The following PRCP variants were observed in gnomAD, a reference collection of about 807,000 sequenced individuals.
PRCP encodes the protein lysosomal Pro-X carboxypeptidase.
In PRCP, 46 loss-of-function variants were observed where a neutral mutation model predicts 54.2. That is an observed-to-expected ratio of 0.85 (90% CI 0.67 to 1.09). The LOEUF (loss-of-function observed/expected upper bound fraction) is 1.09, where lower values mean the gene tolerates loss of function less well. Among genes scored for constraint, PRCP ranks in the 50% least tolerant of loss-of-function variants. The pLI is 0.00. For missense variants in PRCP, 613 were observed against 596.8 expected, an observed-to-expected ratio of 1.03 and a Z score of -0.28; for synonymous variants, 240 against 212.2, an observed-to-expected ratio of 1.13 and a Z score of -1.14.
intron 1 of PRCP, among the ~76,000 whole-genome samples, chr11:82,864,789 TGGA>T (rs1484975532): frequency 1.3e-5 from 2 of 152,264 alleles, no homozygotes; most frequent in Admixed American, 1.3e-4. Context: ...CTTTACCATG[TGGA>T]GGAGAAATAG....
chr11:82,856,407 T>A (rs1051659227), intron 2 of PRCP, among the ~76,000 whole-genome samples: 4 of 152,194 alleles, frequency 2.6e-5, no homozygotes, highest in African/African-American at 7.2e-5. Context: ...CTAAGTGACC[T>A]AATAGAGCAA....
intron 1 of PRCP, among the ~76,000 whole-genome samples, chr11:82,877,065 A>G (rs1394393845): frequency 1.3e-5 from 2 of 152,254 alleles, no homozygotes; most frequent in Non-Finnish European, 2.9e-5. Flanking sequence ...GAACTGAAAC[A>G]AAGGTGACTC....
chr11:82,892,070 C>T (rs907875881), intron 1 of PRCP, among the ~76,000 whole-genome samples: 2 of 152,138 alleles, frequency 1.3e-5, no homozygotes, highest in African/African-American at 4.8e-5. Context: ...ATGTACCTCA[C>T]AGGATTGTTG....
intron 1 of PRCP, among the ~76,000 whole-genome samples, chr11:82,887,821 T>C (rs1431189795): frequency 6.6e-6 from 1 of 152,170 alleles, no homozygotes; most frequent in African/African-American, 2.4e-5. Context: ...AAGACCGTCA[T>C]TCCAAAAGGG....
At chr11:82,866,214 AT>A (rs1859331481) in intron 1 of PRCP, among the ~76,000 whole-genome samples, 1 of 152,258 alleles carries the variant, frequency 6.6e-6, no homozygotes, top group African/African-American at 2.4e-5. Context: ...AGGAAACGGT[AT>A]CCCCCAGTGA....
At chr11:82,870,601 TTAAAAGAGATAG>T (rs1386917360) in intron 1 of PRCP, among the ~76,000 whole-genome samples, 5 of 152,282 alleles carry the variant, frequency 3.3e-5, no homozygotes, top group Non-Finnish European at 7.4e-5. Flanking sequence ...AAGTAATCTA[TTAAAAGAGATAG>T]TAAAAGAGAG....
intron 6 of PRCP, among the ~76,000 whole-genome samples, chr11:82,848,277 G>C (rs909739333): frequency 2.6e-5 from 4 of 152,290 alleles, no homozygotes; most frequent in African/African-American, 7.2e-5. Flanking sequence ...ACAAAGAAAT[G>C]CTTAAAATGA....
chr11:82,867,521 T>C (rs1446515836), intron 1 of PRCP, among the ~76,000 whole-genome samples: 1 of 152,200 alleles, frequency 6.6e-6, no homozygotes, highest in East Asian at 1.9e-4. Flanking sequence ...GTCAAACAGC[T>C]CTGTGAAAGC....
chr11:82,871,477 A>C (rs1859482988), intron 1 of PRCP, among the ~76,000 whole-genome samples: 1 of 152,026 alleles, frequency 6.6e-6, no homozygotes, highest in African/African-American at 2.4e-5. Flanking sequence ...TTGCACCTGG[A>C]CTGTTCTGAA....
chr11:82,887,660 T>A (rs1209756754), intron 1 of PRCP, among the ~76,000 whole-genome samples: 2 of 151,974 alleles, frequency 1.3e-5, no homozygotes, highest in Non-Finnish European at 2.9e-5. Context: ...CTCCTCTTTC[T>A]CCCCCAAGGC....
intron 8 of PRCP, 65 bp downstream of exon 8, chr11:82,838,322 G>GT: frequency 6.9e-7 from 1 of 1,455,234 alleles, no homozygotes; most frequent in Non-Finnish European, 9.4e-7. Context: ...CCCTGGTTCT[G>GT]TTTTTTCAGA....
rs368084575 is a variant in PRCP at position 82,865,812 on chromosome 11, G to C, written c.169-5695C>G. On this transcript the variant is annotated intron_variant, in intron 1 of 8. Transcript: ENST00000313010. Reference sequence around the variant, plus strand: ...CATTCCATTAGAGTTCTTAAATGGAGACTGACAGCTTTCTGGGCAAGCTTG... The same window carrying C: ...CATTCCATTAGAGTTCTTAAATGGACACTGACAGCTTTCTGGGCAAGCTTG... Among the ~76,000 whole-genome samples, 10 of 152,264 alleles carry C rather than the reference G, an allele frequency of 6.6e-5. No homozygotes were observed. The East Asian group carries it at 1.7e-3, about 26-fold the overall frequency.
At chr11:82,857,915 C>G (rs1330942124) in intron 2 of PRCP, among the ~76,000 whole-genome samples, 1 of 152,186 alleles carries the variant, frequency 6.6e-6, no homozygotes, top group African/African-American at 2.4e-5. Context: ...TCCCCCTTCT[C>G]AACACCACTG....
intron 8 of PRCP, among the ~76,000 whole-genome samples, chr11:82,834,803 A>T (rs992494426): frequency 6.6e-6 from 1 of 152,208 alleles, no homozygotes; most frequent in African/African-American, 2.4e-5. Flanking sequence ...GGCCAGGCAC[A>T]GTGGCTCATG....
chr11:82,856,553 C>A (rs1859085922), intron 2 of PRCP, among the ~76,000 whole-genome samples: 1 of 152,056 alleles, frequency 6.6e-6, no homozygotes, highest in South Asian at 2.1e-4. Flanking sequence ...GGGTGTGGGG[C>A]ATGAGTTCAA....
At chr11:82,881,515 C>T (rs1365009183) in intron 1 of PRCP, among the ~76,000 whole-genome samples, 2 of 152,030 alleles carry the variant, frequency 1.3e-5, no homozygotes, top group Non-Finnish European at 2.9e-5. Context: ...GGGGTTTAAG[C>T]AGGGCCCTAT....
In PRCP at chr11:82,824,901, G is replaced by C. The variant is rs3750931; in HGVS notation, c.*5C>G. The C allele has an allele frequency of 1.9e-3, 2,993 of 1,611,566 alleles. 82 individuals are homozygous for C. The East Asian group carries it at 0.057, about 31-fold the overall frequency. ...AAGAAGAAATTGAAAACAATCAAAA[G>C]TTTCTCAGTGCTGCTTTCCCGCACT... is the stretch of plus-strand genomic sequence containing the variant. On this transcript the variant is annotated 3_prime_UTR_variant, in exon 9 of 9. Transcript: ENST00000313010.
At chr11:82,850,587 A>T in intron 3 of PRCP, 82 bp from the exon 4 acceptor site, 1 of 1,108,644 alleles carries the variant, frequency 9.0e-7, no homozygotes, top group Non-Finnish European at 1.2e-6. Flanking sequence ...GAAGAGAGCC[A>T]GTGTCAGATA....
chr11:82,878,951 C>T (rs138416323), intron 1 of PRCP, among the ~76,000 whole-genome samples: 1,524 of 152,286 alleles, frequency 0.01, 17 homozygotes, highest in Admixed American at 0.034. Flanking sequence ...CCTTTCTCTC[C>T]GGCTACCCTT....
Sources: gnomAD v4.1 joint callset for allele counts (sites outside exome capture counted in the v4.1 genomes callset) on GRCh38, gnomAD v4.1.1 for gene constraint, MANE v1.5 for transcripts, NCBI Gene and HGNC (gene_info 2026-07-23, HGNC 2026-07-21) for gene names.